DPP6: variants seen among roughly 807,000 people sequenced by gnomAD.
The protein encoded by DPP6 is A-type potassium channel modulatory protein DPP6.
DPP6 carries 69 observed loss-of-function variants against 122.6 expected under a neutral mutation model. The observed-to-expected ratio is 0.56, with a 90% CI of 0.46 to 0.69. The LOEUF is 0.69. DPP6 is among the 30% of genes least tolerant of loss of function. The pLI is 0.00. For missense variants in DPP6, 928 were observed against 1,116.9 expected, an observed-to-expected ratio of 0.83 and a Z score of 2.41; for synonymous variants, 418 against 433.1, an observed-to-expected ratio of 0.97 and a Z score of 0.43.
Position 154,755,501 on chromosome 7 carries a change from A to G in DPP6, c.884-13916A>G, listed in dbSNP as rs1843618939. Among the ~76,000 whole-genome samples, 1 of 152,040 alleles carries G rather than the reference A, an allele frequency of 6.6e-6. No individual in the cohort carries two copies. The highest frequency in any genetic ancestry group is 1.5e-5 in the Non-Finnish European group (1 of 68,006). On this transcript the variant is annotated intron_variant, in intron 8 of 25. Coordinates refer to ENST00000377770, the MANE Select transcript of DPP6 (RefSeq NM_130797.4). This position sits in a 1 kb window ranked among gnomAD's most constrained non-coding sequence, Gnocchi z 4.7. Reference sequence around the variant, plus strand: ...TTTTTTCCCTTAGTTCCCTTAAGGGAAAAAATAAAGATAATAATAGTGTCT... The same window carrying G: ...TTTTTTCCCTTAGTTCCCTTAAGGGGAAAAATAAAGATAATAATAGTGTCT...
chr7:154,632,733 G>A (rs1835481469), intron 5 of DPP6, among the ~76,000 whole-genome samples: 1 of 150,136 alleles, frequency 6.7e-6, no homozygotes, highest in Non-Finnish European at 1.5e-5. Flanking sequence ...GGATGTAAAG[G>A]GAGTAGATGA....
chr7:154,186,346 G>A (rs1204248764), intron 1 of DPP6, among the ~76,000 whole-genome samples: 3 of 152,228 alleles, frequency 2.0e-5, no homozygotes, highest in Non-Finnish European at 2.9e-5. Flanking sequence ...GTCACTTGTA[G>A]ATATGGTGAT....
chr7:154,644,706 C>CTTTT (rs5888584), intron 6 of DPP6, among the ~76,000 whole-genome samples: 2 of 129,966 alleles, frequency 1.5e-5, no homozygotes, highest in African/African-American at 5.8e-5. Flanking sequence ...CTTAAAATGG[C>CTTTT]TTTTTTTTTT....
At chr7:153,859,685 A>T in the DPP6 span, among the ~76,000 whole-genome samples, 2 of 152,214 alleles carry the variant, frequency 1.3e-5, no homozygotes, top group African/African-American at 4.8e-5. Flanking sequence ...ATGAAGAAAT[A>T]CCCAGACTGG....
At chr7:154,586,369 C>T (rs1308077584) in intron 5 of DPP6, among the ~76,000 whole-genome samples, 1 of 152,194 alleles carries the variant, frequency 6.6e-6, no homozygotes, top group Admixed American at 6.5e-5. Context: ...GCTCCCATCG[C>T]CTGCCCTTAT....
intron 1 of DPP6, among the ~76,000 whole-genome samples, chr7:154,155,408 C>T (rs1369428797): frequency 6.6e-6 from 1 of 152,170 alleles, no homozygotes; most frequent in East Asian, 1.9e-4. Flanking sequence ...GCATCCCTCC[C>T]TGCAGAGACA....
intron 1 of DPP6, among the ~76,000 whole-genome samples, chr7:154,070,332 G>A (rs963661700): frequency 1.1e-4 from 17 of 151,636 alleles, no homozygotes; most frequent in Non-Finnish European, 2.1e-4. Context: ...TTATATGGAA[G>A]AAAACCTTAA....
intron 6 of DPP6, among the ~76,000 whole-genome samples, chr7:154,662,736 A>T (rs1837826492): frequency 1.4e-5 from 1 of 72,610 alleles, no homozygotes; most frequent in African/African-American, 4.5e-5. Context: ...TATTGGCCGT[A>T]GTGTTCATAT....
At chr7:154,195,686 C>T (rs1798828942) in intron 1 of DPP6, among the ~76,000 whole-genome samples, 1 of 152,194 alleles carries the variant, frequency 6.6e-6, no homozygotes, top group African/African-American at 2.4e-5. Context: ...GATTTCCCTG[C>T]CTCTACTAAC....
chr7:154,167,417 A>G (rs1797309492), intron 1 of DPP6, among the ~76,000 whole-genome samples: 1 of 152,244 alleles, frequency 6.6e-6, no homozygotes, highest in Non-Finnish European at 1.5e-5. Context: ...GAGCAAAGCC[A>G]TGTTCAGAAT....
intron 7 of DPP6, among the ~76,000 whole-genome samples, chr7:154,722,029 G>A (rs192148436): frequency 6.6e-5 from 10 of 151,076 alleles, no homozygotes; most frequent in Admixed American, 2.0e-4. Context: ...GATACAGATA[G>A]ATAGATATAT....
rs1039347220 is a variant in DPP6 at position 154,763,942 on chromosome 7, A to C, written c.884-5475A>C. 1.1e-4 allele frequency among the ~76,000 whole-genome samples: 17 copies of C among 149,540 alleles called. 1 individual carries two copies. Among genetic ancestry groups the C allele is most frequent in the Admixed American group, 1.0e-3 (15 of 14,938 alleles). ...TCCTCTTGGTGCCCTCTCTACCCAC[A>C]CCCCTGTGCCCTTTCTGCTGTGCAC... On this transcript the variant is annotated intron_variant, in intron 8 of 25. Coordinates refer to ENST00000377770, the MANE Select transcript of DPP6 (RefSeq NM_130797.4).
intron 1 of DPP6, among the ~76,000 whole-genome samples, chr7:154,237,587 C>A (rs1801299922): frequency 6.6e-6 from 1 of 152,158 alleles, no homozygotes; most frequent in African/African-American, 2.4e-5. Context: ...GACCAGGCTT[C>A]CCCCTCCACT....
chr7:154,804,959 C>T lies in DPP6; in HGVS notation c.1542C>T (p.Leu514=). 1 of 1,597,674 alleles carries T rather than the reference C, an allele frequency of 6.3e-7. No homozygotes were observed. Among genetic ancestry groups the T allele is most frequent in the Non-Finnish European group, 8.5e-7 (1 of 1,171,688 alleles). ...AGGACCTGCCTCGGAGACGACAACT[C>T]TACAGGTAACTCCTGCTCCCCCTGC... ...STEDLPRRRQ[L]YSANTVGNFN... Residue 514 remains leucine (L), a synonymous_variant, in exon 15 of 26, where the codon CTC becomes CTT. Coordinates refer to ENST00000377770, the MANE Select transcript of DPP6 (RefSeq NM_130797.4).
chr7:153,772,126 C>T, the DPP6 span, among the ~76,000 whole-genome samples: 3 of 152,092 alleles, frequency 2.0e-5, no homozygotes, highest in Non-Finnish European at 4.4e-5. Flanking sequence ...CTCTGTTGCC[C>T]GGGCTGGAGT....
chr7:154,183,978 A>G (rs918995524), intron 1 of DPP6, among the ~76,000 whole-genome samples: 3 of 152,218 alleles, frequency 2.0e-5, no homozygotes, highest in African/African-American at 7.2e-5. Context: ...ATACCTGTCC[A>G]TTCCCTTAGC....
chr7:153,832,580 G>A, the DPP6 span, among the ~76,000 whole-genome samples: 1 of 152,238 alleles, frequency 6.6e-6, no homozygotes, highest in South Asian at 2.1e-4. Context: ...TGATGCCAAG[G>A]ACTTAGATAC....
Position 154,071,412 on chromosome 7 carries a change from C to G in DPP6, c.243+18349C>G, listed in dbSNP as rs146932856. ...GAGTTCGAAGCGGGGTGAGAATTCA[C>G]GTGTTTCTGATTTCTAAAGCCGTAT... is the stretch of plus-strand genomic sequence containing the variant. On this transcript the variant is annotated intron_variant, in intron 1 of 25. Coordinates refer to ENST00000377770, the MANE Select transcript of DPP6 (RefSeq NM_130797.4). Among the ~76,000 whole-genome samples, 675 of 152,326 alleles carry G rather than the reference C, an allele frequency of 4.4e-3. 7 individuals are homozygous for G. The highest frequency in any genetic ancestry group is 0.015 in the African/African-American group (624 of 41,584).
At chr7:154,869,702 G>A (rs922959960) in intron 18 of DPP6, among the ~76,000 whole-genome samples, 1 of 152,198 alleles carries the variant, frequency 6.6e-6, no homozygotes, top group Non-Finnish European at 1.5e-5. Context: ...CCCACCACAG[G>A]TCCGGGCCAA....
Sources: gnomAD v4.1 joint callset for allele counts (sites outside exome capture counted in the v4.1 genomes callset) on GRCh38, gnomAD v4.1.1 for gene constraint, Gnocchi (gnomAD v3.1) non-coding constraint, MANE v1.5 for transcripts, NCBI Gene and HGNC (gene_info 2026-07-23, HGNC 2026-07-21) for gene names.